PHIP: variants seen among roughly 807,000 people sequenced by gnomAD.
PHIP encodes the protein PHIP subunit of CUL4-Ring ligase complex.
PHIP carries 54 observed loss-of-function variants against 236.8 expected under a neutral mutation model. The observed-to-expected ratio is 0.23, with a 90% CI of 0.18 to 0.29. PHIP has a LOEUF of 0.29. Among genes scored for constraint, PHIP ranks in the 10% least tolerant of loss-of-function variants. The probability of loss-of-function intolerance (pLI) is 1.00; values close to 1 mark genes in which losing one functional copy is unlikely to be tolerated. For synonymous variants in PHIP, 756 were observed against 718.9 expected (o/e 1.05, Z -0.83); for missense variants, 1,370 against 2,190.8 (o/e 0.63, Z 7.48).
chr6:78,953,721 T>C (rs958910749), intron 35 of PHIP, among the ~76,000 whole-genome samples: 5 of 152,160 alleles, frequency 3.3e-5, no homozygotes, highest in African/African-American at 7.2e-5. Context: ...ATTTTCATCA[T>C]TGTAAGTTAG....
At chr6:79,033,102 A>C (rs895865690) in intron 7 of PHIP, among the ~76,000 whole-genome samples, 14 of 152,068 alleles carry the variant, frequency 9.2e-5, no homozygotes, top group Non-Finnish European at 2.9e-5. Context: ...CAGTGGGCTT[A>C]AAATATTCAG....
chr6:78,968,880 C>T lies in PHIP; in HGVS notation c.3205+955G>A, dbSNP rs746721562. ...AACTTGTTAGATAAGTTATGTGTTC[C>T]AATTTTTTCCCCCTGAAGACTTTCC... On this transcript the variant is annotated intron_variant, in intron 27 of 39. Coordinates refer to ENST00000275034, the MANE Select transcript of PHIP (RefSeq NM_017934.7). 8.7e-4 allele frequency among the ~76,000 whole-genome samples: 133 copies of T among 152,198 alleles called. 1 individual carries two copies. The highest frequency in any genetic ancestry group is 2.5e-3 in the South Asian group (12 of 4,824).
chr6:78,974,190 A>T lies in PHIP; in HGVS notation c.2890-3302T>A, dbSNP rs954965071. ...TAACAAACTATCTCTCAGACCACAG[A>T]GCAATCAAACTAGAATTCAGGATTA... On this transcript the variant is annotated intron_variant, in intron 24 of 39. Transcript: ENST00000275034. Among the ~76,000 whole-genome samples the T allele has an allele frequency of 1.1e-3, 167 of 152,324 alleles. 1 individual carries two copies. The highest frequency in any genetic ancestry group is 3.7e-3 in the African/African-American group (155 of 41,566).
rs188267374 is a variant in PHIP at position 78,970,666 on chromosome 6, C to T, written c.2997+115G>A. 1.2e-5 allele frequency: 8 copies of T among 665,756 alleles called. No homozygotes were observed. The Admixed American group carries it at 2.5e-4, about 21-fold the overall frequency. 41.2% of individuals were successfully genotyped at this position (665,756 alleles called of 1,614,324 possible). ...ACTCTCTAGGACTGCTTCAATTAAA[C>T]AAGGTATCTTCATGATGCAGTTTCT... is the stretch of plus-strand genomic sequence containing the variant. On this transcript the variant is annotated intron_variant, in intron 25 of 39. Coordinates refer to ENST00000275034, the MANE Select transcript of PHIP (RefSeq NM_017934.7).
In PHIP at chr6:79,064,432, T is replaced by C. The variant is rs568513187; in HGVS notation, c.190-3614A>G. Reference sequence around the variant, plus strand: ...AGAATGGTCCATAGTCCATCTAATTTCGTATCCCATCCTCTCCTCAATCTA... The same window carrying C: ...AGAATGGTCCATAGTCCATCTAATTCCGTATCCCATCCTCTCCTCAATCTA... On this transcript the variant is annotated intron_variant, in intron 4 of 39. Transcript: ENST00000275034. Among the ~76,000 whole-genome samples, 7 of 152,338 alleles carry C rather than the reference T, an allele frequency of 4.6e-5. No individual in the cohort carries two copies. The East Asian group carries it at 1.2e-3, about 25-fold the overall frequency.
Position 78,976,703 on chromosome 6 carries a change from A to G in PHIP, c.2889+1889T>C, listed in dbSNP as rs1455827032. On this transcript the variant is annotated intron_variant, in intron 24 of 39. Coordinates refer to ENST00000275034, the MANE Select transcript of PHIP (RefSeq NM_017934.7). ...AGAAAAAAACAAACAACCACATCAA[A>G]AAGTGGGCGAAGGACATGAACAGAC... 3.5e-4 allele frequency among the ~76,000 whole-genome samples: 52 copies of G among 148,470 alleles called. 1 individual carries two copies. The highest frequency in any genetic ancestry group is 1.0e-3 in the African/African-American group (42 of 40,710).
At chr6:79,077,645 C>T in intron 3 of PHIP, 55 bp downstream of exon 3, 2 of 924,808 alleles carry the variant, frequency 2.2e-6, no homozygotes, top group Non-Finnish European at 2.6e-6. Context: ...GGCGGCGCAG[C>T]GGCCCAGAGG....
At chr6:79,018,012 G>A (rs982395946) in intron 10 of PHIP, among the ~76,000 whole-genome samples, 21 of 151,924 alleles carry the variant, frequency 1.4e-4, no homozygotes, top group African/African-American at 5.1e-4. Context: ...ATTAAATGAG[G>A]CTGCTCTCTT....
At chr6:79,017,680 G>A in intron 10 of PHIP, 97 bp from the exon 11 acceptor site, 1 of 761,022 alleles carries the variant, frequency 1.3e-6, no homozygotes. Context: ...AGTATATACT[G>A]AATTAATATT....
intron 19 of PHIP, among the ~76,000 whole-genome samples, chr6:78,996,358 A>G (rs188940280): frequency 6.6e-6 from 1 of 152,306 alleles, no homozygotes; most frequent in Admixed American, 6.5e-5. Context: ...ACTTTTTGTT[A>G]CTGATATGGG....
Position 79,001,978 on chromosome 6 carries a change from T to C in PHIP, c.1800A>G (p.Ser600=). Residue 600 remains serine, a synonymous_variant, in exon 17 of 40, where the codon TCA becomes TCG. Coordinates refer to ENST00000275034, the MANE Select transcript of PHIP (RefSeq NM_017934.7). ...LVDVDGNPHP[S]RYQRLVPGRE... is the part of the protein sequence containing the mutation. ...GGCCAGGAACTAATCTTTGATATCT[T>C]GATGGATGAGGGTTACCATCAACAT... 6.2e-7 allele frequency: 1 copy of C among 1,613,342 alleles called. No homozygotes were observed. The highest frequency in any genetic ancestry group is 8.5e-7 in the Non-Finnish European group (1 of 1,179,480).
chr6:78,964,495 T>TATC (rs1353906796), intron 29 of PHIP, among the ~76,000 whole-genome samples: 1 of 152,086 alleles, frequency 6.6e-6, no homozygotes, highest in Non-Finnish European at 1.5e-5. Context: ...AGATGTAATA[T>TATC]ATTATTATTA....
intron 35 of PHIP, among the ~76,000 whole-genome samples, chr6:78,948,486 C>T (rs1430597022): frequency 6.6e-6 from 1 of 151,852 alleles, no homozygotes; most frequent in Non-Finnish European, 1.5e-5. Context: ...TTAGCAGGGA[C>T]AAAGAGTATT....
intron 39 of PHIP, among the ~76,000 whole-genome samples, chr6:78,943,120 A>G (rs1334218019): frequency 6.6e-6 from 1 of 152,188 alleles, no homozygotes; most frequent in Non-Finnish European, 1.5e-5. Flanking sequence ...GATAAATAAA[A>G]TATTATTAAA....
At chr6:79,043,036 C>T in intron 6 of PHIP, 33 bp from the exon 7 acceptor site, 1 of 1,553,896 alleles carries the variant, frequency 6.4e-7, no homozygotes, top group African/African-American at 1.4e-5. Flanking sequence ...TAAATGTAAT[C>T]TGGAAATTAA....
intron 19 of PHIP, 51 bp downstream of exon 19, chr6:78,997,363 C>A (rs1427162757): frequency 3.3e-6 from 5 of 1,534,000 alleles, no homozygotes; most frequent in Admixed American, 1.8e-5. Flanking sequence ...CTGTTAACTC[C>A]AAAATGAACC....
chr6:79,077,083 CG>C (rs1169866641), intron 4 of PHIP, among the ~76,000 whole-genome samples: 2 of 152,076 alleles, frequency 1.3e-5, no homozygotes, highest in Non-Finnish European at 2.9e-5. Context: ...CGAGCGAGCG[CG>C]CTCTCCCTCT....
intron 4 of PHIP, among the ~76,000 whole-genome samples, chr6:79,061,811 T>C (rs758936782): frequency 6.6e-6 from 1 of 152,166 alleles, no homozygotes; most frequent in East Asian, 1.9e-4. Context: ...ATGGCAACTT[T>C]AACATGAATT....
At chr6:79,012,903 G>C (rs575878861) in intron 15 of PHIP, among the ~76,000 whole-genome samples, 3 of 151,754 alleles carry the variant, frequency 2.0e-5, no homozygotes, top group African/African-American at 7.2e-5. Flanking sequence ...TAAAGAGTAA[G>C]ATGTCAAAAG....
Sources: allele counts gnomAD v4.1 joint callset (sites outside exome capture counted in the v4.1 genomes callset), GRCh38; gene constraint gnomAD v4.1.1; transcripts MANE v1.5; gene names NCBI Gene and HGNC (gene_info 2026-07-23, HGNC 2026-07-21).